Variants in NR3C2 observed in about 807,000 individuals in gnomAD.
NR3C2 encodes nuclear receptor subfamily 3 group C member 2, also known as mineralocorticoid receptor.
Under a neutral mutation model 86.4 loss-of-function variants are expected in NR3C2, and 15 were observed. The observed-to-expected ratio is 0.17, with a 90% CI of 0.12 to 0.27. The LOEUF is 0.27. NR3C2 is among the 10% of genes least tolerant of loss of function. The pLI, the probability that NR3C2 is intolerant of heterozygous loss-of-function variation, is 1.00. For missense variants in NR3C2, 960 were observed against 1,195.6 expected, an observed-to-expected ratio of 0.80 and a Z score of 2.91; for synonymous variants, 458 against 450.5, an observed-to-expected ratio of 1.02 and a Z score of -0.21.
chr4:148,427,373 A>G (rs954584516), intron 2 of NR3C2, among the ~76,000 whole-genome samples: 1 of 151,988 alleles, frequency 6.6e-6, no homozygotes, highest in African/African-American at 2.4e-5. Flanking sequence ...CTTCCTTAAC[A>G]ATTTAGTCCT....
At chr4:148,217,856 G>T (rs1276009105) in intron 3 of NR3C2, among the ~76,000 whole-genome samples, 2 of 152,212 alleles carry the variant, frequency 1.3e-5, no homozygotes, top group Non-Finnish European at 2.9e-5. Flanking sequence ...CAGAACCCAT[G>T]TGTAATGGAC....
At chr4:148,374,755 GA>G (rs1746591794) in intron 2 of NR3C2, among the ~76,000 whole-genome samples, 1 of 152,102 alleles carries the variant, frequency 6.6e-6, no homozygotes, top group African/African-American at 2.4e-5. Context: ...TGACACTACT[GA>G]AAAATTCATC....
At chr4:148,429,962 A>G (rs932576164) in intron 2 of NR3C2, among the ~76,000 whole-genome samples, 3 of 152,226 alleles carry the variant, frequency 2.0e-5, no homozygotes, top group Admixed American at 6.5e-5. Flanking sequence ...AGAAAAAAGT[A>G]CTACTTTGCA....
intron 2 of NR3C2, among the ~76,000 whole-genome samples, chr4:148,402,455 GTTTCAGGTTTACTGTAAGACATAA>G (rs1748217001): frequency 6.6e-6 from 1 of 152,220 alleles, no homozygotes; most frequent in Non-Finnish European, 1.5e-5. Flanking sequence ...TATTTACTGA[GTTTCAGGTTTACTGTAAGACATAA>G]TTTCACACAA....
chr4:148,264,043 T>C (rs1055328146), intron 2 of NR3C2, among the ~76,000 whole-genome samples: 4 of 152,208 alleles, frequency 2.6e-5, no homozygotes, highest in Non-Finnish European at 4.4e-5. Flanking sequence ...CAGTAGAACA[T>C]AAATTTACAA....
chr4:148,295,913 T>C (rs1258031782), intron 2 of NR3C2, among the ~76,000 whole-genome samples: 1 of 151,992 alleles, frequency 6.6e-6, no homozygotes, highest in African/African-American at 2.4e-5. Flanking sequence ...ATAGGAGCTC[T>C]AATAATTGCA....
intron 2 of NR3C2, among the ~76,000 whole-genome samples, chr4:148,296,860 C>T (rs138261432): frequency 2.0e-5 from 3 of 152,128 alleles, no homozygotes; most frequent in African/African-American, 7.2e-5. Flanking sequence ...TGATTACAGC[C>T]AGGCTTGCAC....
intron 1 of NR3C2, among the ~76,000 whole-genome samples, chr4:148,440,342 C>T (rs1750275089): frequency 6.6e-6 from 1 of 152,212 alleles, no homozygotes; most frequent in South Asian, 2.1e-4. Context: ...TTGCAACTGG[C>T]ACAATGACCA....
chr4:148,350,136 C>T (rs531264019), intron 2 of NR3C2, among the ~76,000 whole-genome samples: 7 of 152,260 alleles, frequency 4.6e-5, no homozygotes, highest in South Asian at 2.1e-4. Context: ...CAGGGAATTC[C>T]GGCATATCTC....
At chr4:148,432,310 G>A (rs1749832648) in intron 2 of NR3C2, among the ~76,000 whole-genome samples, 1 of 152,038 alleles carries the variant, frequency 6.6e-6, no homozygotes, top group Non-Finnish European at 1.5e-5. Flanking sequence ...TATTTTAATG[G>A]TCATTTCAGA....
chr4:148,217,194 C>T (rs1737584465), intron 3 of NR3C2, among the ~76,000 whole-genome samples: 1 of 152,196 alleles, frequency 6.6e-6, no homozygotes, highest in Non-Finnish European at 1.5e-5. Context: ...CGCTACAGCT[C>T]TGGAAAGTAT....
At chr4:148,425,521 C>A (rs1422575260) in intron 2 of NR3C2, among the ~76,000 whole-genome samples, 1 of 152,112 alleles carries the variant, frequency 6.6e-6, no homozygotes, top group Non-Finnish European at 1.5e-5. Context: ...TTGGCAGAGG[C>A]ACCAGTAAGT....
chr4:148,309,979 C>A, intron 2 of NR3C2, among the ~76,000 whole-genome samples: 1 of 150,054 alleles, frequency 6.7e-6, no homozygotes, highest in African/African-American at 2.5e-5. Flanking sequence ...TCTCCAAGGG[C>A]GGGGGTGGAG....
chr4:148,214,955 C>T (rs1737453786), intron 3 of NR3C2, among the ~76,000 whole-genome samples: 1 of 151,316 alleles, frequency 6.6e-6, no homozygotes, highest in Non-Finnish European at 1.5e-5. Flanking sequence ...GACAAGAGCA[C>T]CCAGGCATGC....
At chr4:148,202,790 C>T (rs962976158) in intron 3 of NR3C2, among the ~76,000 whole-genome samples, 1 of 152,132 alleles carries the variant, frequency 6.6e-6, no homozygotes, top group Non-Finnish European at 1.5e-5. Flanking sequence ...CCCCCTCATC[C>T]CCCTTCCTCT....
At chr4:148,361,634 C>T (rs1745843270) in intron 2 of NR3C2, among the ~76,000 whole-genome samples, 2 of 152,178 alleles carry the variant, frequency 1.3e-5, no homozygotes, top group Admixed American at 1.3e-4. Context: ...TCTGGTCCAC[C>T]ATCTCTCCAG....
At chr4:148,442,737 CGGCGGGAGCTTGGGGTGCCG>C, upstream of NR3C2, 1 of 985,418 alleles carries the variant, frequency 1.0e-6, no homozygotes, top group Non-Finnish European at 1.2e-6. Flanking sequence ...GCCGCAGCCG[CGGCGGGAGCTTGGGGTGCCG>C]GGCGGTGGCT....
chr4:148,384,144 T>C (rs544121199), intron 2 of NR3C2, among the ~76,000 whole-genome samples: 1 of 152,116 alleles, frequency 6.6e-6, no homozygotes, highest in South Asian at 2.1e-4. Flanking sequence ...AAATAGAATT[T>C]AAATGATCAT....
rs771927424 is a variant in NR3C2, at chr4:148,302,551, AC to A, written c.1758-42435del. On this transcript the variant is annotated intron_variant, in intron 2 of 8. Transcript: ENST00000358102. ...AATCCATTTTCTTTTGCAATAGGAC[AC>A]AACTGGAGAAACCAGTTGTTTTACT... Among the ~76,000 whole-genome samples the A allele has an allele frequency of 1.7e-3, 260 of 152,318 alleles. 1 individual carries two copies. The highest frequency in any genetic ancestry group is 7.0e-3 in the South Asian group (34 of 4,826).
Sources: gnomAD v4.1 joint callset for allele counts (sites outside exome capture counted in the v4.1 genomes callset) on GRCh38, gnomAD v4.1.1 for gene constraint, MANE v1.5 for transcripts, NCBI Gene and HGNC (gene_info 2026-07-23, HGNC 2026-07-21) for gene names.